The following TMED7 variants were observed in gnomAD, a reference collection of about 807,000 sequenced individuals.
The protein encoded by TMED7 is transmembrane emp24 domain-containing protein 7.
In TMED7, 8 loss-of-function variants were observed where a neutral mutation model predicts 23.4. The ratio of observed to expected loss-of-function variants is 0.34; its 90% CI spans 0.20 to 0.62. The LOEUF (loss-of-function observed/expected upper bound fraction) is 0.62, where lower values mean the gene tolerates loss of function less well. Among genes scored for constraint, TMED7 ranks in the 20% least tolerant of loss-of-function variants. TMED7 has a pLI of 0.77. For missense variants in TMED7, 232 were observed against 279.1 expected, an observed-to-expected ratio of 0.83 and a Z score of 1.20; for synonymous variants, 121 against 108.5, an observed-to-expected ratio of 1.12 and a Z score of -0.72.
At chr5:115,618,973 T>C (rs1445267687) in intron 2 of TMED7, among the ~76,000 whole-genome samples, 1 of 152,234 alleles carries the variant, frequency 6.6e-6, no homozygotes, top group African/African-American at 2.4e-5. Flanking sequence ...TAATTTTCAA[T>C]TTTAAAGTAT....
chr5:115,616,084 C>A lies in TMED7; in HGVS notation c.*125G>T. 1 of 920,268 alleles carries A rather than the reference C, an allele frequency of 1.1e-6. No homozygotes were observed. The highest frequency in any genetic ancestry group is 1.7e-6 in the Non-Finnish European group (1 of 594,402). 57.0% of individuals were successfully genotyped at this position (920,268 alleles called of 1,614,324 possible). A position where few individuals can be genotyped will look rare whatever the true frequency, so the allele number is the denominator to read the frequency against. On this transcript the variant is annotated 3_prime_UTR_variant, in exon 3 of 3. Transcript: ENST00000456936. The stretch of plus-strand genomic sequence containing the variant: ...CAGTTTGGGAATATGCATTGTACAT[C>A]CCTCCCAACAAGTGTATGAGTAAGG...
At position 115,620,240 on chromosome 5, in the gene TMED7, T is replaced by C. The variant is rs956426826; in HGVS notation, c.438+195A>G. ...CTTTCTCTTTACAATTAAAAGTTCA[T>C]AAAATCTTTCAACATTATTTTTCAC... On this transcript the variant is annotated intron_variant, in intron 2 of 2. Coordinates refer to ENST00000456936, the MANE Select transcript of TMED7 (RefSeq NM_181836.6). 7 of 711,892 alleles carry C rather than the reference T, an allele frequency of 9.8e-6. No homozygotes were observed. The Admixed American group carries it at 2.7e-4, about 27-fold the overall frequency. The allele number at this position is 711,892 out of a possible 1,614,324, so 44.1% of individuals were successfully genotyped here.
Position 115,616,206 on chromosome 5 carries a change from T to C in TMED7, c.*3A>G. On this transcript the variant is annotated 3_prime_UTR_variant, in exon 3 of 3. Transcript: ENST00000456936. ...CAATGGTGCATCAATTCTCAAAACG[T>C]AGTTATGATCCAACACGAGTTGTGG... 1.2e-6 allele frequency: 2 copies of C among 1,612,948 alleles called. No homozygotes were observed. Among genetic ancestry groups the C allele is most frequent in the Non-Finnish European group, 1.7e-6 (2 of 1,178,936 alleles).
At chr5:115,620,382 T>C (rs1204102738) in intron 2 of TMED7, 53 bp downstream of exon 2, 2 of 1,440,110 alleles carry the variant, frequency 1.4e-6, no homozygotes, top group East Asian at 5.1e-5. Context: ...TAAATTATGC[T>C]TTTTTCCTCC....
intron 1 of TMED7, among the ~76,000 whole-genome samples, chr5:115,622,745 C>T (rs1757074400): frequency 6.6e-6 from 1 of 152,184 alleles, no homozygotes; most frequent in Non-Finnish European, 1.5e-5. Context: ...AAATCTAAAC[C>T]TCTTAACAAT....
chr5:115,617,826 C>T (rs1756841306), intron 2 of TMED7, among the ~76,000 whole-genome samples: 1 of 152,222 alleles, frequency 6.6e-6, no homozygotes, highest in African/African-American at 2.4e-5. Context: ...TGGAGTCTCG[C>T]TCTGTCACCC....
chr5:115,620,582 G>A lies in TMED7; in HGVS notation c.291C>T (p.Thr97=), dbSNP rs765043509. Residue 97 remains threonine, a synonymous_variant, in exon 2 of 3, where the codon ACC becomes ACT. Transcript: ENST00000456936. ...KEMKKQYDSF[T]FTASKNGTYK... ...ATGTCCCATTTTTGGAGGCTGTGAA[G>A]GTAAAACTATCATACTGTTTCTTCA... 1.2e-6 allele frequency: 2 copies of A among 1,605,454 alleles called. No individual in the cohort carries two copies. The highest frequency in any genetic ancestry group is 4.5e-5 in the East Asian group (2 of 44,376).
chr5:115,624,258 A>AG (rs1187619943), intron 1 of TMED7, among the ~76,000 whole-genome samples: 1 of 152,176 alleles, frequency 6.6e-6, no homozygotes, highest in Non-Finnish European at 1.5e-5. Context: ...CATGAAGGTA[A>AG]GTAAGCCTAA....
At chr5:115,618,147 G>C (rs1347894418) in intron 2 of TMED7, among the ~76,000 whole-genome samples, 2 of 152,098 alleles carry the variant, frequency 1.3e-5, no homozygotes, top group Non-Finnish European at 2.9e-5. Context: ...ATATTCAAAA[G>C]TATTGAGAAA....
Position 115,620,683 on chromosome 5 carries a change from G to A in TMED7, c.193-3C>T. 1 of 1,400,168 alleles carries A rather than the reference G, an allele frequency of 7.1e-7. No homozygotes were observed. The highest frequency in any genetic ancestry group is 9.3e-7 in the Non-Finnish European group (1 of 1,070,134). 86.7% of individuals were successfully genotyped at this position (1,400,168 alleles called of 1,614,324 possible). On this transcript the variant is annotated splice_polypyrimidine_tract_variant and splice_region_variant and intron_variant, in intron 1 of 2. Transcript: ENST00000456936. Reference sequence around the variant, plus strand: ...TCATAGTGACCACCAGTAATCACCTGTAAGAGATTAAAAAAGAAAAATCAC... The same window carrying A: ...TCATAGTGACCACCAGTAATCACCTATAAGAGATTAAAAAAGAAAAATCAC...
chr5:115,620,327 ACTGT>A, intron 2 of TMED7, 104 bp downstream of exon 2: 3 of 1,306,510 alleles, frequency 2.3e-6, no homozygotes, highest in Non-Finnish European at 3.0e-6. Flanking sequence ...GATTTTAAAG[ACTGT>A]CAGTCTCAAA....
chr5:115,625,261 G>A (rs879566372), intron 1 of TMED7, among the ~76,000 whole-genome samples: 2 of 152,184 alleles, frequency 1.3e-5, no homozygotes, highest in African/African-American at 2.4e-5. Context: ...TGGAGGTGTG[G>A]ATTAGAGAGT....
chr5:115,621,782 T>C (rs753725108), intron 1 of TMED7, among the ~76,000 whole-genome samples: 23 of 152,066 alleles, frequency 1.5e-4, no homozygotes, highest in African/African-American at 3.1e-4. Context: ...ACACATTGGG[T>C]TGAATGAAGG....
At position 115,625,820 on chromosome 5, in the gene TMED7, G is replaced by A. The variant is rs115927880; in HGVS notation, c.-28C>T. On this transcript the variant is annotated 5_prime_UTR_variant, in exon 1 of 3. Coordinates refer to ENST00000456936, the MANE Select transcript of TMED7 (RefSeq NM_181836.6). ...CGAGAAGGCGGCGGCGGCCTCAACC[G>A]AGCTGCGAGACGCAGGGTCAGGTCT... is the stretch of plus-strand genomic sequence containing the variant. 1.8e-3 allele frequency: 2,534 copies of A among 1,387,642 alleles called. 40 individuals are homozygous for A. The African/African-American group carries it at 0.035, about 19-fold the overall frequency. The allele number at this position is 1,387,642 out of a possible 1,614,324, so 86.0% of individuals were successfully genotyped here. A position where few individuals can be genotyped will look rare whatever the true frequency, so the allele number is the denominator to read the frequency against.
rs939897996 is a variant in TMED7 at position 115,613,624 on chromosome 5, A to G, written c.*2585T>C. The G allele has an allele frequency of 6.6e-6, 1 of 152,422 alleles. No homozygotes were observed. The highest frequency in any genetic ancestry group is 2.4e-5 in the African/African-American group (1 of 41,570). The allele number at this position is 152,422 out of a possible 1,614,324, so 9.4% of individuals were successfully genotyped here. A position where few individuals can be genotyped will look rare whatever the true frequency, so the allele number is the denominator to read the frequency against. On this transcript the variant is annotated 3_prime_UTR_variant, in exon 3 of 3. Transcript: ENST00000456936. The stretch of plus-strand genomic sequence containing the variant: ...TTATTTATATATTAATTTTTTGAAA[A>G]CAATAGTCATAGGGCCTGCTTTGTC...
Position 115,613,688 on chromosome 5 carries a change from C to CA in TMED7, c.*2520dup, listed in dbSNP as rs1347484547. The CA allele has an allele frequency of 6.6e-6, 1 of 152,306 alleles. No individual in the cohort carries two copies. Among genetic ancestry groups the CA allele is most frequent in the African/African-American group, 2.4e-5 (1 of 41,386 alleles). 9.4% of individuals were successfully genotyped at this position (152,306 alleles called of 1,614,324 possible). A position where few individuals can be genotyped will look rare whatever the true frequency, so the allele number is the denominator to read the frequency against. On this transcript the variant is annotated 3_prime_UTR_variant, in exon 3 of 3. Transcript: ENST00000456936. ...AATGTTACACATTTACAAACTGAAA[C>CA]AAAAATGCATAGTACAGAGATTTAA...
Position 115,613,381 on chromosome 5 carries a change from C to T in TMED7, c.*2828G>A, listed in dbSNP as rs1254078277. 1 of 152,086 alleles carries T rather than the reference C, an allele frequency of 6.6e-6. No individual in the cohort carries two copies. Among genetic ancestry groups the T allele is most frequent in the Non-Finnish European group, 1.5e-5 (1 of 67,996 alleles). 9.4% of individuals were successfully genotyped at this position (152,086 alleles called of 1,614,324 possible). Reference sequence around the variant, plus strand: ...TTTCACCTTCTTTCTTGGACAGTCCCTCAGATATTTTAATAAAATACCAAA... The same window carrying T: ...TTTCACCTTCTTTCTTGGACAGTCCTTCAGATATTTTAATAAAATACCAAA... On this transcript the variant is annotated 3_prime_UTR_variant, in exon 3 of 3. Transcript: ENST00000456936.
chr5:115,616,358 G>A lies in TMED7; in HGVS notation c.526C>T (p.Arg176Ter), dbSNP rs377145503. The A allele has an allele frequency of 1.9e-6, 3 of 1,614,066 alleles. No homozygotes were observed. Among genetic ancestry groups the A allele is most frequent in the South Asian group, 1.1e-5 (1 of 91,082 alleles). Reference sequence around the variant, plus strand: ...GTATTTAGATCCTCTGCTCGGCTTCGGCCTTGAGCTTCTCTTAAACGGAAA... The same window carrying A: ...GTATTTAGATCCTCTGCTCGGCTTCAGCCTTGAGCTTCTCTTAAACGGAAA... ...THFRLREAQG[R>*]SRAEDLNTRV... The change falls in exon 3 of 3, where the codon CGA becomes TGA. Residue 176 changes from arginine (R) to a stop codon, truncating the protein, a stop_gained. Coordinates refer to ENST00000456936, the MANE Select transcript of TMED7 (RefSeq NM_181836.6). LOFTEE classifies it high-confidence loss of function.
In TMED7 at chr5:115,625,927, A is replaced by T. The variant is rs1276286757; in HGVS notation, c.-135T>A. On this transcript the variant is annotated 5_prime_UTR_variant, in exon 1 of 3. Transcript: ENST00000456936. The stretch of plus-strand genomic sequence containing the variant: ...AGCAGAGCAGGTTCACGCCTGTGGG[A>T]GATTCGGGATCAGAGCGACCCTCCG... 1 of 1,212,370 alleles carries T rather than the reference A, an allele frequency of 8.2e-7. No homozygotes were observed. Among genetic ancestry groups the T allele is most frequent in the African/African-American group, 1.6e-5 (1 of 62,808 alleles). The allele number at this position is 1,212,370 out of a possible 1,614,324, so 75.1% of individuals were successfully genotyped here.
Sources: gnomAD v4.1 joint callset for allele counts (sites outside exome capture counted in the v4.1 genomes callset) on GRCh38, gnomAD v4.1.1 for gene constraint, MANE v1.5 for transcripts, NCBI Gene and HGNC (gene_info 2026-07-23, HGNC 2026-07-21) for gene names.